The following FNBP1L variants were observed in gnomAD, a reference collection of about 807,000 sequenced individuals.
FNBP1L encodes formin binding protein 1 like.
A neutral mutation model predicts 91.2 loss-of-function variants in FNBP1L; 36 were observed. The ratio of observed to expected loss-of-function variants is 0.39; its 90% CI spans 0.30 to 0.52. The LOEUF (loss-of-function observed/expected upper bound fraction) is 0.52, where lower values mean the gene tolerates loss of function less well. Ranked by LOEUF, FNBP1L falls within the 20% of genes least tolerant of loss-of-function variation. The pLI is 0.66. For missense variants in FNBP1L, 571 were observed against 732.1 expected (o/e 0.78, Z 2.54); for synonymous variants, 242 against 237.0 (o/e 1.02, Z -0.19).
chr1:93,544,258 A>G lies in FNBP1L; in HGVS notation c.1274+42A>G, dbSNP rs374142687. The G allele has an allele frequency of 7.0e-6, 10 of 1,425,506 alleles. No individual in the cohort carries two copies. The East Asian group carries it at 2.1e-4, about 30-fold the overall frequency. The allele number at this position is 1,425,506 out of a possible 1,614,324, so 88.3% of individuals were successfully genotyped here. A position where few individuals can be genotyped will look rare whatever the true frequency, so the allele number is the denominator to read the frequency against. ...TTTTCTCTATCATTATTATTTTAGG[A>G]TCTACTTTGAGTGACGCCCTTAAAT... On this transcript the variant is annotated intron_variant, in intron 12 of 16. Transcript: ENST00000271234.
rs1324836459 is a variant in FNBP1L, at chr1:93,460,177, AT to A, written c.24+11874del. On this transcript the variant is annotated intron_variant, in intron 1 of 16. Transcript: ENST00000271234. ...TAAGCAGTGGGGCCTTTAAGAAGTG[AT>A]TAGTCTGTAAGGGCTCTGCCTTCAT... Among the ~76,000 whole-genome samples the A allele has an allele frequency of 9.9e-5, 15 of 152,234 alleles. No individual in the cohort carries two copies. In the East Asian group the frequency reaches 2.5e-3, roughly 25 times the overall value.
chr1:93,548,309 C>T (rs1290075922), intron 14 of FNBP1L, among the ~76,000 whole-genome samples: 1 of 152,070 alleles, frequency 6.6e-6, no homozygotes, highest in Non-Finnish European at 1.5e-5. Context: ...CTGTTAAAAT[C>T]TAATTCTGTA....
rs1468281757 is a variant in FNBP1L at position 93,547,334 on chromosome 1, T to G, written c.1408-13T>G. ...TTATTGAGCTCAGTTGTTTGCTTAT[T>G]TTTTTTCCTAAGGCTTGGCTCTCTG... On this transcript the variant is annotated splice_polypyrimidine_tract_variant and intron_variant, in intron 13 of 16. Transcript: ENST00000271234. The G allele has an allele frequency of 1.9e-6, 3 of 1,549,464 alleles. No individual in the cohort carries two copies. Among genetic ancestry groups the G allele is most frequent in the Non-Finnish European group, 2.6e-6 (3 of 1,144,750 alleles).
intron 2 of FNBP1L, among the ~76,000 whole-genome samples, chr1:93,512,666 A>ATGAC (rs1462227851): frequency 6.7e-6 from 1 of 149,604 alleles, no homozygotes; most frequent in Non-Finnish European, 1.5e-5. Context: ...CTGCTCCTGA[A>ATGAC]TGACTACTGG....
intron 1 of FNBP1L, among the ~76,000 whole-genome samples, chr1:93,490,471 A>C (rs960462180): frequency 6.6e-6 from 1 of 152,208 alleles, no homozygotes; most frequent in African/African-American, 2.4e-5. Flanking sequence ...ATAAGATTTA[A>C]ATTAGAGCTC....
At chr1:93,502,276 A>T (rs903462947) in intron 2 of FNBP1L, among the ~76,000 whole-genome samples, 1 of 152,220 alleles carries the variant, frequency 6.6e-6, no homozygotes, top group Non-Finnish European at 1.5e-5. Context: ...TATTTCATAC[A>T]CTTTTGAATT....
At chr1:93,549,171 A>G in intron 14 of FNBP1L, 107 bp from the exon 15 acceptor site, 1 of 800,068 alleles carries the variant, frequency 1.2e-6, no homozygotes, top group Middle Eastern at 3.3e-4. Context: ...AAACTGTGTC[A>G]TTAATATTTA....
At position 93,552,652 on chromosome 1, in the gene FNBP1L, C is replaced by G; in HGVS notation, c.*236C>G. ...CAGTTATTCCCACAAAAGAAAAAGC[C>G]AACAATAGTGTACCATTTTTCTATT... On this transcript the variant is annotated 3_prime_UTR_variant, in exon 17 of 17. Transcript: ENST00000271234. 1 of 418,450 alleles carries G rather than the reference C, an allele frequency of 2.4e-6. No individual in the cohort carries two copies. Among genetic ancestry groups the G allele is most frequent in the Non-Finnish European group, 4.2e-6 (1 of 237,332 alleles). The allele number at this position is 418,450 out of a possible 1,614,324, so 25.9% of individuals were successfully genotyped here. A position where few individuals can be genotyped will look rare whatever the true frequency, so the allele number is the denominator to read the frequency against.
intron 1 of FNBP1L, among the ~76,000 whole-genome samples, chr1:93,467,313 G>A (rs1290183242): frequency 1.3e-5 from 2 of 152,124 alleles, no homozygotes; most frequent in South Asian, 2.1e-4. Context: ...AGCCTTGAAC[G>A]AAATTCTGAC....
At chr1:93,468,070 G>A (rs1669151800) in intron 1 of FNBP1L, among the ~76,000 whole-genome samples, 1 of 152,112 alleles carries the variant, frequency 6.6e-6, no homozygotes, top group African/African-American at 2.4e-5. Flanking sequence ...TACCTCAGAA[G>A]GAAAGCTGTT....
intron 15 of FNBP1L, among the ~76,000 whole-genome samples, 160 bp from the exon 16 acceptor site, chr1:93,550,787 G>A (rs917468383): frequency 1.3e-5 from 2 of 152,144 alleles, no homozygotes; most frequent in Non-Finnish European, 2.9e-5. Context: ...GAAAGTGCTG[G>A]GTAAGCCACA....
intron 1 of FNBP1L, among the ~76,000 whole-genome samples, chr1:93,459,198 T>TTACA (rs982142319): frequency 1.7e-4 from 26 of 152,086 alleles, no homozygotes; most frequent in African/African-American, 6.0e-4. Context: ...GAGGTGGAGG[T>TTACA]TACAGTGAGC....
chr1:93,483,461 T>C (rs1328590153), intron 1 of FNBP1L, among the ~76,000 whole-genome samples: 1 of 152,196 alleles, frequency 6.6e-6, no homozygotes, highest in African/African-American at 2.4e-5. Context: ...ATATATATGT[T>C]CAGAGTATTG....
At chr1:93,533,260 C>A (rs1292676806) in intron 8 of FNBP1L, among the ~76,000 whole-genome samples, 192 bp downstream of exon 8, 4 of 147,882 alleles carry the variant, frequency 2.7e-5, no homozygotes, top group Non-Finnish European at 4.5e-5. Flanking sequence ...CTAATTCTTT[C>A]TTAAAAAAAA....
At chr1:93,519,295 G>A (rs1473609200) in intron 2 of FNBP1L, among the ~76,000 whole-genome samples, 2 of 152,094 alleles carry the variant, frequency 1.3e-5, no homozygotes, top group Non-Finnish European at 2.9e-5. Context: ...CAGCAACATT[G>A]AACCCACTTA....
intron 1 of FNBP1L, among the ~76,000 whole-genome samples, chr1:93,480,773 A>C (rs961383815): frequency 6.6e-6 from 1 of 152,080 alleles, no homozygotes; most frequent in African/African-American, 2.4e-5. Flanking sequence ...CGTGTTAGCC[A>C]GGATGGTTTC....
At chr1:93,544,448 A>G (rs1672149070) in intron 12 of FNBP1L, among the ~76,000 whole-genome samples, 1 of 152,216 alleles carries the variant, frequency 6.6e-6, no homozygotes, top group South Asian at 2.1e-4. Flanking sequence ...TTAATTTGCA[A>G]AAAATTTCTT....
chr1:93,458,708 C>A (rs1264913581), intron 1 of FNBP1L, among the ~76,000 whole-genome samples: 3 of 152,158 alleles, frequency 2.0e-5, no homozygotes, highest in Non-Finnish European at 2.9e-5. Flanking sequence ...AAGAATATTA[C>A]AGTAATCCAC....
intron 2 of FNBP1L, among the ~76,000 whole-genome samples, chr1:93,510,635 C>T (rs1349316591): frequency 1.3e-5 from 2 of 151,828 alleles, no homozygotes; most frequent in Non-Finnish European, 2.9e-5. Flanking sequence ...TGAGAGAAGG[C>T]TTCAGATGAT....
Sources: allele counts gnomAD v4.1 joint callset (sites outside exome capture counted in the v4.1 genomes callset), GRCh38; gene constraint gnomAD v4.1.1; transcripts MANE v1.5; gene names NCBI Gene and HGNC (gene_info 2026-07-23, HGNC 2026-07-21).